The following GREB1L variants were observed in gnomAD, a reference collection of about 807,000 sequenced individuals.
GREB1L encodes the protein GREB1-like protein.
Under a neutral mutation model 200.8 loss-of-function variants are expected in GREB1L, and 17 were observed. The observed-to-expected ratio is 0.08, with a 90% confidence interval of 0.06 to 0.13. The LOEUF (loss-of-function observed/expected upper bound fraction) is 0.13. Among genes scored for constraint, GREB1L ranks in the 10% least tolerant of loss-of-function variants. GREB1L has a pLI of 1.00. For missense variants in GREB1L, 1,657 were observed against 2,367.7 expected (o/e 0.70, Z 6.23); for synonymous variants, 789 against 893.0 (o/e 0.88, Z 2.08).
At chr18:21,298,789 C>T (rs1284403182) in intron 1 of GREB1L, among the ~76,000 whole-genome samples, 1 of 152,028 alleles carries the variant, frequency 6.6e-6, no homozygotes, top group Non-Finnish European at 1.5e-5. Flanking sequence ...TAAAAATTAG[C>T]TGGGTATGGT....
intron 1 of GREB1L, among the ~76,000 whole-genome samples, chr18:21,244,370 T>C (rs1413683066): frequency 6.6e-6 from 1 of 152,120 alleles, no homozygotes. Flanking sequence ...TGACATAATA[T>C]AAAGATGTTA....
chr18:21,319,940 T>A (rs2038927211), intron 1 of GREB1L, among the ~76,000 whole-genome samples: 1 of 152,200 alleles, frequency 6.6e-6, no homozygotes, highest in East Asian at 1.9e-4. Flanking sequence ...CACAGAAATA[T>A]CATTCGTATA....
intron 1 of GREB1L, among the ~76,000 whole-genome samples, chr18:21,258,049 T>C (rs1400841429): frequency 1.3e-5 from 2 of 152,166 alleles, no homozygotes; most frequent in Non-Finnish European, 2.9e-5. Flanking sequence ...TGCCTCTGTG[T>C]CATACTCTTG....
chr18:21,354,894 G>T (rs1425760077), intron 1 of GREB1L, among the ~76,000 whole-genome samples: 1 of 152,200 alleles, frequency 6.6e-6, no homozygotes. Context: ...TTTTTTTCCT[G>T]AGAGAAATGT....
In GREB1L at chr18:21,522,822, G is replaced by A. The variant is rs1219613571; in HGVS notation, c.*1G>A. On this transcript the variant is annotated 3_prime_UTR_variant, in exon 33 of 33. Transcript: ENST00000424526. ...CTTTCTTACTGGACGTCATGTATGA[G>A]CTTTTGAAGAGACCAAAACAGCAAA... 2 of 1,546,508 alleles carry A rather than the reference G, an allele frequency of 1.3e-6. No individual in the cohort carries two copies. Among genetic ancestry groups the A allele is most frequent in the Non-Finnish European group, 1.7e-6 (2 of 1,144,644 alleles).
At chr18:21,347,299 A>G (rs2039361755) in intron 1 of GREB1L, among the ~76,000 whole-genome samples, 1 of 151,548 alleles carries the variant, frequency 6.6e-6, no homozygotes. Context: ...AACAAACAAA[A>G]ACAAAAAAAC....
At position 21,481,777 on chromosome 18, in the gene GREB1L, A is replaced by G. The variant is rs147775310; in HGVS notation, c.2557-3843A>G. ...TTGTATCTGACTTCCTTTGCTCAAC[A>G]TGATGTTTGTGAAATTTGCAGTTTT... On this transcript the variant is annotated intron_variant, in intron 17 of 32. Coordinates refer to ENST00000424526, the MANE Select transcript of GREB1L (RefSeq NM_001142966.3). Among the ~76,000 whole-genome samples the G allele has an allele frequency of 7.1e-3, 1,077 of 152,198 alleles. 20 individuals carry two copies. Among genetic ancestry groups the G allele is most frequent in the Non-Finnish European group, 5.5e-3 (371 of 68,010 alleles).
chr18:21,442,857 G>A (rs1045744771), intron 10 of GREB1L, among the ~76,000 whole-genome samples: 10 of 151,710 alleles, frequency 6.6e-5, no homozygotes, highest in African/African-American at 2.4e-4. Context: ...AAGGGGAAAG[G>A]AAAGGAAATC....
At position 21,500,324 on chromosome 18, in the gene GREB1L, G is replaced by C. The variant is rs146502034; in HGVS notation, c.3969+18G>C. 5 of 1,073,652 alleles carry C rather than the reference G, an allele frequency of 4.7e-6. No individual in the cohort carries two copies. In the Admixed American group the frequency reaches 6.2e-5, roughly 13 times the overall value. 66.5% of individuals were successfully genotyped at this position (1,073,652 alleles called of 1,614,324 possible). On this transcript the variant is annotated intron_variant, in intron 22 of 32. Transcript: ENST00000424526. ...CCCCACAGGTAGGGCCAAGCCAGCC[G>C]GGGCCGTTTCTTAGGCTGGGGTTGG...
chr18:21,365,580 G>T (rs570863974), intron 1 of GREB1L, among the ~76,000 whole-genome samples: 291 of 152,094 alleles, frequency 1.9e-3, no homozygotes, highest in African/African-American at 6.9e-3. Flanking sequence ...TATGTTTTAC[G>T]TTTTTGATAG....
intron 1 of GREB1L, among the ~76,000 whole-genome samples, chr18:21,249,969 G>C (rs969054118): frequency 6.6e-6 from 1 of 152,154 alleles, no homozygotes; most frequent in Non-Finnish European, 1.5e-5. Flanking sequence ...AAGTGCCAGA[G>C]AGAAAAGTAG....
At chr18:21,289,350 G>C (rs994030097) in intron 1 of GREB1L, among the ~76,000 whole-genome samples, 13 of 152,046 alleles carry the variant, frequency 8.6e-5, no homozygotes, top group African/African-American at 2.7e-4. Context: ...GGGAGTTTGA[G>C]ACCAGCCTGG....
chr18:21,358,280 TG>T (rs2039533857), intron 1 of GREB1L, among the ~76,000 whole-genome samples: 1 of 152,152 alleles, frequency 6.6e-6, no homozygotes, highest in Non-Finnish European at 1.5e-5. Context: ...TGCTGATTTT[TG>T]AGGAAAAACA....
rs1190116409 is a variant in GREB1L, at chr18:21,454,236, TAGC to T, written c.1985-127_1985-125del. The T allele has an allele frequency of 2.1e-5, 14 of 651,366 alleles. No individual in the cohort carries two copies. In the African/African-American group the frequency reaches 2.4e-4, roughly 11 times the overall value. 40.3% of individuals were successfully genotyped at this position (651,366 alleles called of 1,614,324 possible). On this transcript the variant is annotated intron_variant, in intron 14 of 32. Coordinates refer to ENST00000424526, the MANE Select transcript of GREB1L (RefSeq NM_001142966.3). Reference sequence around the variant, plus strand: ...ATTAAAACTCAATAGAGAGTGCAAATAGCAGGTGAGAATTCGTAGTGAGAGTGT... The same window carrying T: ...ATTAAAACTCAATAGAGAGTGCAAATAGGTGAGAATTCGTAGTGAGAGTGT...
intron 1 of GREB1L, among the ~76,000 whole-genome samples, chr18:21,296,257 G>T (rs1179706032): frequency 7.2e-5 from 11 of 152,208 alleles, no homozygotes; most frequent in Non-Finnish European, 1.6e-4. Context: ...CCATAAAAAA[G>T]CATGAAGTTA....
chr18:21,326,307 A>G (rs940633421), intron 1 of GREB1L, among the ~76,000 whole-genome samples: 6 of 152,190 alleles, frequency 3.9e-5, no homozygotes, highest in Admixed American at 2.0e-4. Flanking sequence ...TTTTGTTAGG[A>G]TTAGGTTTGG....
chr18:21,462,438 G>A (rs1299748019), intron 15 of GREB1L, among the ~76,000 whole-genome samples: 8 of 152,242 alleles, frequency 5.3e-5, no homozygotes, highest in East Asian at 1.9e-4. Flanking sequence ...TTATTTGTTC[G>A]TTTTGTTTTG....
At chr18:21,251,645 A>G (rs1223733818) in intron 1 of GREB1L, among the ~76,000 whole-genome samples, 1 of 152,216 alleles carries the variant, frequency 6.6e-6, no homozygotes, top group African/African-American at 2.4e-5. Flanking sequence ...TACCATATGC[A>G]AATAAAAGAT....
chr18:21,471,461 C>A (rs1489455623), intron 15 of GREB1L, among the ~76,000 whole-genome samples: 2 of 152,180 alleles, frequency 1.3e-5, no homozygotes, highest in Non-Finnish European at 2.9e-5. Context: ...TGACACTCAT[C>A]AGAATTTTCT....
Sources: gnomAD v4.1 joint callset for allele counts (sites outside exome capture counted in the v4.1 genomes callset) on GRCh38, gnomAD v4.1.1 for gene constraint, MANE v1.5 for transcripts, NCBI Gene and HGNC (gene_info 2026-07-23, HGNC 2026-07-21) for gene names.